HS6ST3: variants seen among roughly 807,000 people sequenced by gnomAD.
HS6ST3 encodes the protein heparan sulfate 6-O-sulfotransferase 3.
Under a neutral mutation model 36.7 loss-of-function variants are expected in HS6ST3, and 12 were observed. The ratio of observed to expected loss-of-function variants is 0.33; its 90% CI spans 0.21 to 0.53. The LOEUF is 0.53. Among genes scored for constraint, HS6ST3 ranks in the 20% least tolerant of loss-of-function variants. HS6ST3 has a pLI of 0.95. For synonymous variants in HS6ST3, 240 were observed against 257.5 expected (o/e 0.93, Z 0.65); for missense variants, 584 against 640.9 (o/e 0.91, Z 0.96).
intron 1 of HS6ST3, among the ~76,000 whole-genome samples, chr13:96,732,176 T>C (rs1407918250): frequency 6.6e-6 from 1 of 152,236 alleles, no homozygotes; most frequent in Non-Finnish European, 1.5e-5. Flanking sequence ...CACTTTTTCA[T>C]ATACCTTTTG....
At chr13:96,478,475 A>G (rs1051384436) in intron 1 of HS6ST3, among the ~76,000 whole-genome samples, 3 of 152,146 alleles carry the variant, frequency 2.0e-5, no homozygotes, top group African/African-American at 7.2e-5. Flanking sequence ...CAGGGGGGTT[A>G]AGTAAGAGTC....
intron 1 of HS6ST3, among the ~76,000 whole-genome samples, chr13:96,398,913 A>G (rs1566349389): frequency 6.6e-6 from 1 of 152,234 alleles, no homozygotes; most frequent in Non-Finnish European, 1.5e-5. Context: ...CAGAGACCTC[A>G]GGAACTGCAT....
chr13:96,204,222 A>G (rs1230262705), intron 1 of HS6ST3, among the ~76,000 whole-genome samples: 1 of 152,202 alleles, frequency 6.6e-6, no homozygotes, highest in Middle Eastern at 3.2e-3. Context: ...GACAAAACAG[A>G]CTTTAAACCA....
At chr13:96,231,738 C>T (rs1172143580) in intron 1 of HS6ST3, among the ~76,000 whole-genome samples, 2 of 152,040 alleles carry the variant, frequency 1.3e-5, no homozygotes, top group Non-Finnish European at 2.9e-5. Flanking sequence ...GAAAGTAGGA[C>T]GTTTTTCTGG....
intron 1 of HS6ST3, among the ~76,000 whole-genome samples, chr13:96,751,466 C>T (rs904199847): frequency 4.6e-5 from 7 of 152,040 alleles, no homozygotes; most frequent in South Asian, 2.1e-4. Flanking sequence ...TTGGAGGGAG[C>T]GCAAACTCAA....
chr13:96,805,652 T>C (rs1878181471), intron 1 of HS6ST3, among the ~76,000 whole-genome samples: 1 of 152,232 alleles, frequency 6.6e-6, no homozygotes, highest in African/African-American at 2.4e-5. Context: ...CTAGGTACTT[T>C]ATTATTTCCA....
In HS6ST3 at chr13:96,808,645, C is replaced by T. The variant is rs7333329; in HGVS notation, c.708-23845C>T. On this transcript the variant is annotated intron_variant, in intron 1 of 1. Coordinates refer to ENST00000376705, the MANE Select transcript of HS6ST3 (RefSeq NM_153456.4). The stretch of plus-strand genomic sequence containing the variant: ...GATAACCCAACCTCTTCTGACCGAT[C>T]CAGCACTTGAGAAAATGCAGAAGTG... Among the ~76,000 whole-genome samples the T allele has an allele frequency of 3.3e-5, 5 of 152,192 alleles. No individual in the cohort carries two copies. In the East Asian group the frequency reaches 9.6e-4, roughly 29 times the overall value.
At position 96,338,558 on chromosome 13, in the gene HS6ST3, A is replaced by G. The variant is rs565197313; in HGVS notation, c.707+246989A>G. Reference sequence around the variant, plus strand: ...TGGAGACCTCAGTGCTTCTTTCAACAGACATTACCAATATCTGTCAGTTGT... The same window carrying G: ...TGGAGACCTCAGTGCTTCTTTCAACGGACATTACCAATATCTGTCAGTTGT... On this transcript the variant is annotated intron_variant, in intron 1 of 1. Coordinates refer to ENST00000376705, the MANE Select transcript of HS6ST3 (RefSeq NM_153456.4). 2.0e-5 allele frequency among the ~76,000 whole-genome samples: 3 copies of G among 152,342 alleles called. 1 individual carries two copies. The highest frequency in any genetic ancestry group is 7.2e-5 in the African/African-American group (3 of 41,566).
chr13:96,240,841 A>G (rs961581568), intron 1 of HS6ST3, among the ~76,000 whole-genome samples: 1 of 152,238 alleles, frequency 6.6e-6, no homozygotes, highest in Non-Finnish European at 1.5e-5. Context: ...ATTCCAGGCA[A>G]GGTAGTATGG....
intron 1 of HS6ST3, among the ~76,000 whole-genome samples, chr13:96,704,714 G>C (rs1875374824): frequency 6.6e-6 from 1 of 152,128 alleles, no homozygotes; most frequent in South Asian, 2.1e-4. Context: ...ATAAAAACTG[G>C]AACGCCAGGT....
intron 1 of HS6ST3, among the ~76,000 whole-genome samples, chr13:96,738,596 C>CTG (rs1876348771): frequency 1.3e-5 from 2 of 151,876 alleles, no homozygotes; most frequent in African/African-American, 4.8e-5. Context: ...ACATTTTTTC[C>CTG]TTTTGTAGTG....
intron 1 of HS6ST3, among the ~76,000 whole-genome samples, chr13:96,822,406 C>G (rs1171817896): frequency 6.6e-6 from 1 of 152,188 alleles, no homozygotes; most frequent in African/African-American, 2.4e-5. Context: ...AGGAACTGTA[C>G]TCAGCAAGAT....
chr13:96,169,757 T>A (rs1213108323), intron 1 of HS6ST3: 1 of 152,264 alleles, frequency 6.6e-6, no homozygotes, highest in Non-Finnish European at 1.5e-5. Context: ...CAAATGGAGC[T>A]GATCAAAACT....
At chr13:96,608,671 A>G (rs928005588) in intron 1 of HS6ST3, among the ~76,000 whole-genome samples, 2 of 152,218 alleles carry the variant, frequency 1.3e-5, no homozygotes, top group Non-Finnish European at 2.9e-5. Context: ...ATTAAAAGTG[A>G]CTTAAACTAT....
intron 1 of HS6ST3, among the ~76,000 whole-genome samples, chr13:96,287,797 C>T (rs941763053): frequency 6.6e-6 from 1 of 151,946 alleles, no homozygotes; most frequent in Non-Finnish European, 1.5e-5. Context: ...TAATTCTTTA[C>T]TTTTTTAATG....
chr13:96,391,964 G>T (rs1282727355), intron 1 of HS6ST3, among the ~76,000 whole-genome samples: 1 of 152,216 alleles, frequency 6.6e-6, no homozygotes, highest in Non-Finnish European at 1.5e-5. Context: ...TGTGAATCAT[G>T]TCTGTAACTG....
intron 1 of HS6ST3, among the ~76,000 whole-genome samples, chr13:96,237,925 C>G (rs768619046): frequency 4.6e-5 from 7 of 152,126 alleles, no homozygotes; most frequent in Non-Finnish European, 7.3e-5. Context: ...TCAGCTAAAC[C>G]TGGGCCTTGG....
intron 1 of HS6ST3, among the ~76,000 whole-genome samples, chr13:96,632,688 G>A (rs1443679697): frequency 6.6e-6 from 1 of 152,176 alleles, no homozygotes; most frequent in Non-Finnish European, 1.5e-5. Context: ...TCTGAGAACA[G>A]TATATGACAT....
intron 1 of HS6ST3, among the ~76,000 whole-genome samples, chr13:96,304,726 T>TCTTTCTTTCTTTCTTTCTTTCTTTCTTTC (rs1327921964): frequency 1.6e-4 from 23 of 140,226 alleles, no homozygotes; most frequent in South Asian, 4.8e-4. Flanking sequence ...TTTTTTTTTT[T>TCTTTCTTTCTTTCTTTCTTTCTTTCTTTC]TTTTTACAGA....
Sources: gnomAD v4.1 joint callset for allele counts (sites outside exome capture counted in the v4.1 genomes callset) on GRCh38, gnomAD v4.1.1 for gene constraint, MANE v1.5 for transcripts, NCBI Gene and HGNC (gene_info 2026-07-23, HGNC 2026-07-21) for gene names.